The following MDGA2 variants were observed in gnomAD, a reference collection of about 807,000 sequenced individuals.
The protein encoded by MDGA2 is MAM domain containing glycosylphosphatidylinositol anchor 2.
In MDGA2, 40 loss-of-function variants were observed where a neutral mutation model predicts 117.8. The observed-to-expected ratio is 0.34, with a 90% CI of 0.26 to 0.44. MDGA2 has a LOEUF of 0.44. MDGA2 is among the 20% of genes least tolerant of loss of function. The pLI, the probability that MDGA2 is intolerant of heterozygous loss-of-function variation, is 1.00. For missense variants in MDGA2, 1,123 were observed against 1,250.6 expected (o/e 0.90, Z 1.54); for synonymous variants, 452 against 439.0 (o/e 1.03, Z -0.37).
intron 7 of MDGA2, among the ~76,000 whole-genome samples, chr14:47,040,992 T>A (rs1164268092): frequency 2.6e-5 from 4 of 152,118 alleles, no homozygotes; most frequent in Non-Finnish European, 5.9e-5. Flanking sequence ...TAAAAAGCTA[T>A]CAAAATAATA....
intron 8 of MDGA2, among the ~76,000 whole-genome samples, chr14:47,024,623 C>T (rs952877432): frequency 6.6e-6 from 1 of 151,952 alleles, no homozygotes; most frequent in Non-Finnish European, 1.5e-5. Context: ...TTTTAAAACT[C>T]GTATTTCATT....
chr14:47,020,957 T>C (rs1037793114), intron 8 of MDGA2, among the ~76,000 whole-genome samples: 5 of 152,136 alleles, frequency 3.3e-5, no homozygotes, highest in Non-Finnish European at 7.4e-5. Context: ...ATTAGGCATT[T>C]GACAAAAAAT....
intron 1 of MDGA2, among the ~76,000 whole-genome samples, chr14:47,540,211 C>T (rs576006516): frequency 6.6e-6 from 1 of 152,108 alleles, no homozygotes; most frequent in African/African-American, 2.4e-5. Context: ...GACGGGGTTT[C>T]ACCGTGTTAG....
At chr14:47,292,295 G>A (rs1566723681) in intron 2 of MDGA2, among the ~76,000 whole-genome samples, 1 of 152,124 alleles carries the variant, frequency 6.6e-6, no homozygotes, top group Non-Finnish European at 1.5e-5. Context: ...CAGTTTTATA[G>A]GATTCCACTA....
chr14:46,878,081 C>T lies in MDGA2; in HGVS notation c.2417-572G>A, dbSNP rs548324116. Among the ~76,000 whole-genome samples the T allele has an allele frequency of 1.9e-3, 290 of 152,070 alleles. 2 individuals are homozygous for T. Among genetic ancestry groups the T allele is most frequent in the Admixed American group, 5.7e-3 (87 of 15,248 alleles). On this transcript the variant is annotated intron_variant, in intron 11 of 16. Transcript: ENST00000399232. The stretch of plus-strand genomic sequence containing the variant: ...AGTAAAATATACACATACATATACA[C>T]GTGTGCATGCACACAGAATTTTAAA...
chr14:47,535,012 T>C (rs1414064718), intron 1 of MDGA2, among the ~76,000 whole-genome samples: 1 of 152,200 alleles, frequency 6.6e-6, no homozygotes, highest in Non-Finnish European at 1.5e-5. Context: ...GTCTCAAAAT[T>C]AGAAACTGAA....
intron 1 of MDGA2, among the ~76,000 whole-genome samples, chr14:47,361,875 GAATT>G: frequency 6.6e-6 from 1 of 152,200 alleles, no homozygotes; most frequent in South Asian, 2.1e-4. Flanking sequence ...CAAAAAGCTG[GAATT>G]ACCTAATTCG....
At chr14:47,252,340 G>C (rs1350989227) in intron 2 of MDGA2, among the ~76,000 whole-genome samples, 1 of 152,028 alleles carries the variant, frequency 6.6e-6, no homozygotes, top group Non-Finnish European at 1.5e-5. Flanking sequence ...ATAGGGTTGT[G>C]ATATATTTAA....
At chr14:47,561,819 A>G (rs1185170685) in intron 1 of MDGA2, among the ~76,000 whole-genome samples, 1 of 152,206 alleles carries the variant, frequency 6.6e-6, no homozygotes, top group East Asian at 1.9e-4. Flanking sequence ...TTGAAGGGGA[A>G]TATTTCTAGC....
chr14:46,926,528 C>T (rs1292097728), intron 9 of MDGA2, among the ~76,000 whole-genome samples: 2 of 151,834 alleles, frequency 1.3e-5, no homozygotes, highest in African/African-American at 4.8e-5. Flanking sequence ...CATACATAGA[C>T]TGGCTAAGGC....
intron 2 of MDGA2, among the ~76,000 whole-genome samples, chr14:47,281,981 G>A (rs1888506526): frequency 6.6e-6 from 1 of 151,156 alleles, no homozygotes; most frequent in Non-Finnish European, 1.5e-5. Context: ...CTTGAACCCG[G>A]GAGGCGGAGG....
chr14:47,588,573 G>C (rs1896376911), intron 1 of MDGA2, among the ~76,000 whole-genome samples: 1 of 151,606 alleles, frequency 6.6e-6, no homozygotes. Flanking sequence ...TTTTAATTGA[G>C]TAATTTATCT....
rs954944043 is a variant in MDGA2, at chr14:47,630,189, A to G, written c.280+44328T>C. On this transcript the variant is annotated intron_variant, in intron 1 of 16. Coordinates refer to ENST00000399232, the MANE Select transcript of MDGA2 (RefSeq NM_001113498.3). Reference sequence around the variant, plus strand: ...ACACAGGCACTTAATTGTTGTACTTATAAAATGAACACATAGACAAAAGCC... The same window carrying G: ...ACACAGGCACTTAATTGTTGTACTTGTAAAATGAACACATAGACAAAAGCC... 2.0e-5 allele frequency among the ~76,000 whole-genome samples: 3 copies of G among 152,066 alleles called. No individual in the cohort carries two copies. The East Asian group carries it at 5.8e-4, about 29-fold the overall frequency.
At chr14:47,454,679 T>A (rs1339022423) in intron 1 of MDGA2, among the ~76,000 whole-genome samples, 1 of 152,148 alleles carries the variant, frequency 6.6e-6, no homozygotes, top group African/African-American at 2.4e-5. Flanking sequence ...ATAAAAAGAT[T>A]CTGTTTGAGA....
intron 1 of MDGA2, among the ~76,000 whole-genome samples, chr14:47,340,514 A>G (rs1890590269): frequency 6.6e-6 from 1 of 152,164 alleles, no homozygotes; most frequent in Non-Finnish European, 1.5e-5. Flanking sequence ...ATCTATCTCA[A>G]TCACAGAGAT....
chr14:47,534,927 G>A (rs1311051698), intron 1 of MDGA2, among the ~76,000 whole-genome samples: 1 of 152,182 alleles, frequency 6.6e-6, no homozygotes, highest in Non-Finnish European at 1.5e-5. Context: ...ACAGCTGAAG[G>A]AACACAATAT....
chr14:46,906,621 C>T (rs575833222), intron 10 of MDGA2, among the ~76,000 whole-genome samples: 1 of 152,190 alleles, frequency 6.6e-6, no homozygotes, highest in African/African-American at 2.4e-5. Context: ...TATTTACTTG[C>T]CATCTGTTAG....
intron 1 of MDGA2, among the ~76,000 whole-genome samples, chr14:47,468,254 G>A (rs756352909): frequency 6.6e-5 from 10 of 152,062 alleles, no homozygotes; most frequent in Non-Finnish European, 1.2e-4. Flanking sequence ...ATCCGTAATC[G>A]TAAAAAATGT....
Position 47,660,979 on chromosome 14 carries a change from A to G in MDGA2, c.280+13538T>C, listed in dbSNP as rs2416099. ...AACATATCTTTCTTTTCTAAGAAAG[A>G]AAACCATATGGTATAAAGTGCTGAC... On this transcript the variant is annotated intron_variant, in intron 1 of 16. Coordinates refer to ENST00000399232, the MANE Select transcript of MDGA2 (RefSeq NM_001113498.3). Among the ~76,000 whole-genome samples the G allele has an allele frequency of 6.1e-3, 931 of 152,308 alleles. 12 individuals carry two copies. Among genetic ancestry groups the G allele is most frequent in the African/African-American group, 0.021 (882 of 41,586 alleles).
Sources: allele counts gnomAD v4.1 joint callset (sites outside exome capture counted in the v4.1 genomes callset), GRCh38; gene constraint gnomAD v4.1.1; transcripts MANE v1.5; gene names NCBI Gene and HGNC (gene_info 2026-07-23, HGNC 2026-07-21).